PRR5L: variants seen among roughly 807,000 people sequenced by gnomAD.
PRR5L encodes proline-rich protein 5-like.
In PRR5L, 21 loss-of-function variants were observed where a neutral mutation model predicts 36.4. The ratio of observed to expected loss-of-function variants is 0.58; its 90% CI spans 0.41 to 0.83. The LOEUF is 0.83. Ranked by LOEUF, PRR5L falls within the 40% of genes least tolerant of loss-of-function variation. The pLI is 0.00. For missense variants in PRR5L, 381 were observed against 473.3 expected (o/e 0.80, Z 1.81); for synonymous variants, 188 against 197.0 (o/e 0.95, Z 0.38).
At chr11:36,450,926 CCAGCCAGATCT>C (rs1329977828) in intron 7 of PRR5L, among the ~76,000 whole-genome samples, 1 of 152,224 alleles carries the variant, frequency 6.6e-6, no homozygotes. Context: ...GTCTTTGAGA[CCAGCCAGATCT>C]CAGCCTTGGA....
In PRR5L at chr11:36,431,833, T is replaced by A; in HGVS notation, c.295-20T>A. 1 of 1,613,348 alleles carries A rather than the reference T, an allele frequency of 6.2e-7. No homozygotes were observed. Among genetic ancestry groups the A allele is most frequent in the Non-Finnish European group, 8.5e-7 (1 of 1,179,270 alleles). On this transcript the variant is annotated intron_variant, in intron 4 of 8. Transcript: ENST00000530639. The stretch of plus-strand genomic sequence containing the variant: ...TCTGGAGTTGTCCAAATTCTTATGT[T>A]CTTTGTTCTCTTTTGGCAGAACCAG...
At chr11:36,318,597 G>C (rs995809230) in intron 1 of PRR5L, among the ~76,000 whole-genome samples, 7 of 152,284 alleles carry the variant, frequency 4.6e-5, no homozygotes, top group East Asian at 3.9e-4. Context: ...TGCTTGTCTA[G>C]CATCTAACTA....
intron 8 of PRR5L, among the ~76,000 whole-genome samples, chr11:36,457,950 G>A (rs1241999787): frequency 1.3e-5 from 2 of 152,194 alleles, no homozygotes; most frequent in Admixed American, 1.3e-4. Flanking sequence ...TTGCTGCTCT[G>A]AACTCTTCTG....
rs1183358240 is a variant in PRR5L at position 36,344,595 on chromosome 11, G to C, written c.-126+48157G>C. The stretch of plus-strand genomic sequence containing the variant: ...TTTATATTTCTTAGTATTTTATCAG[G>C]GCAGATTTCTGGAAAGGGTATTACT... On this transcript the variant is annotated intron_variant, in intron 1 of 8. Coordinates refer to ENST00000530639, the MANE Select transcript of PRR5L (RefSeq NM_001160167.2). The surrounding 1 kb of genome is among the most constrained non-coding windows in gnomAD (Gnocchi z 4.1). Among the ~76,000 whole-genome samples the C allele has an allele frequency of 6.6e-6, 1 of 152,068 alleles. No individual in the cohort carries two copies. The highest frequency in any genetic ancestry group is 1.5e-5 in the Non-Finnish European group (1 of 67,986).
intron 3 of PRR5L, among the ~76,000 whole-genome samples, chr11:36,418,151 G>A (rs2133580804): frequency 6.6e-6 from 1 of 152,214 alleles, no homozygotes; most frequent in Non-Finnish European, 1.5e-5. Context: ...GACCTTGTCT[G>A]TCTCATTCAC....
chr11:36,416,582 C>G (rs1318650180), intron 3 of PRR5L, among the ~76,000 whole-genome samples: 3 of 152,234 alleles, frequency 2.0e-5, no homozygotes, highest in Non-Finnish European at 4.4e-5. Context: ...ATCTCATCCC[C>G]CCTGTTACAG....
intron 1 of PRR5L, among the ~76,000 whole-genome samples, chr11:36,342,344 C>T (rs1466038): frequency 2.6e-5 from 4 of 151,896 alleles, no homozygotes; most frequent in Admixed American, 6.6e-5. Flanking sequence ...CAGACGGGGG[C>T]GAAATATGCC....
chr11:36,450,957 C>T (rs559683532), intron 7 of PRR5L, among the ~76,000 whole-genome samples: 23 of 152,372 alleles, frequency 1.5e-4, no homozygotes, highest in African/African-American at 5.5e-4. Context: ...AGGTGGGACA[C>T]CCACACTGCA....
intron 1 of PRR5L, among the ~76,000 whole-genome samples, chr11:36,397,932 A>C (rs1000705536): frequency 2.6e-5 from 4 of 151,960 alleles, no homozygotes; most frequent in East Asian, 1.9e-4. Context: ...AGTCGCCGGG[A>C]TTAAAGGCAT....
intron 4 of PRR5L, among the ~76,000 whole-genome samples, chr11:36,429,360 G>C (rs369032714): frequency 6.6e-6 from 1 of 152,114 alleles, no homozygotes; most frequent in African/African-American, 2.4e-5. Context: ...ACTATACCAG[G>C]AGCCAAGGGT....
At chr11:36,312,397 T>A (rs1268653506) in intron 1 of PRR5L, among the ~76,000 whole-genome samples, 1 of 152,224 alleles carries the variant, frequency 6.6e-6, no homozygotes, top group Non-Finnish European at 1.5e-5. Context: ...ACCATCTCCA[T>A]CTGTTAAACA....
intron 6 of PRR5L, among the ~76,000 whole-genome samples, chr11:36,441,442 CA>C (rs1321203802): frequency 6.6e-5 from 10 of 152,222 alleles, no homozygotes; most frequent in African/African-American, 2.4e-4. Flanking sequence ...CCCCATGTTC[CA>C]CATCCAGGAC....
chr11:36,419,695 A>C (rs1358254569), intron 4 of PRR5L, among the ~76,000 whole-genome samples: 1 of 152,222 alleles, frequency 6.6e-6, no homozygotes, highest in Non-Finnish European at 1.5e-5. Flanking sequence ...ACTCAGAATA[A>C]AATAGAAAGG....
intron 1 of PRR5L, among the ~76,000 whole-genome samples, chr11:36,366,322 T>A (rs1236763432): frequency 6.6e-6 from 1 of 152,210 alleles, no homozygotes; most frequent in East Asian, 1.9e-4. Flanking sequence ...CAGCACATGG[T>A]ACATCTGCAA....
intron 2 of PRR5L, among the ~76,000 whole-genome samples, chr11:36,402,770 T>C (rs545073181): frequency 3.7e-4 from 56 of 152,306 alleles, no homozygotes; most frequent in Admixed American, 6.5e-4. Flanking sequence ...AGGGACTAAC[T>C]CTACTGCCGG....
intron 6 of PRR5L, among the ~76,000 whole-genome samples, chr11:36,444,111 G>A (rs995318958): frequency 8.5e-5 from 13 of 152,300 alleles, no homozygotes; most frequent in South Asian, 2.1e-4. Context: ...ACACACACAC[G>A]TGTGCAAATG....
chr11:36,338,845 T>G (rs1288815108), intron 1 of PRR5L, among the ~76,000 whole-genome samples: 1 of 152,122 alleles, frequency 6.6e-6, no homozygotes, highest in African/African-American at 2.4e-5. Flanking sequence ...CACCCAGACC[T>G]CTACTTGAAT....
intron 1 of PRR5L, among the ~76,000 whole-genome samples, chr11:36,360,515 G>A (rs1416189766): frequency 2.0e-5 from 3 of 152,144 alleles, no homozygotes; most frequent in Admixed American, 6.5e-5. Context: ...ACTATCTGGT[G>A]TGCAGCCATT....
chr11:36,355,725 A>T (rs1337490228), intron 1 of PRR5L, among the ~76,000 whole-genome samples: 8 of 146,780 alleles, frequency 5.5e-5, no homozygotes, highest in African/African-American at 1.5e-4. Flanking sequence ...ATTTTTTTTA[A>T]TTTTTTTTTA....
Sources: gnomAD v4.1 joint callset for allele counts (sites outside exome capture counted in the v4.1 genomes callset) on GRCh38, gnomAD v4.1.1 for gene constraint, Gnocchi (gnomAD v3.1) non-coding constraint, MANE v1.5 for transcripts, NCBI Gene and HGNC (gene_info 2026-07-23, HGNC 2026-07-21) for gene names.